The following LRCH1 variants were observed in gnomAD, a reference collection of about 807,000 sequenced individuals.
LRCH1 encodes the protein leucine rich repeats and calponin homology domain containing 1, also known as leucine-rich repeat and calponin homology domain-containing protein 1.
In LRCH1, 23 loss-of-function variants were observed where a neutral mutation model predicts 94.9. The observed-to-expected ratio is 0.24, with a 90% CI of 0.17 to 0.34. LRCH1 has a LOEUF of 0.34. Ranked by LOEUF, LRCH1 falls within the 10% of genes least tolerant of loss-of-function variation. The pLI, the probability that LRCH1 is intolerant of heterozygous loss-of-function variation, is 1.00. For synonymous variants in LRCH1, 364 were observed against 354.9 expected, an observed-to-expected ratio of 1.03 and a Z score of -0.29; for missense variants, 790 against 945.9, an observed-to-expected ratio of 0.84 and a Z score of 2.16.
At chr13:46,594,470 T>G (rs1412288299) in intron 1 of LRCH1, among the ~76,000 whole-genome samples, 1 of 152,162 alleles carries the variant, frequency 6.6e-6, no homozygotes, top group Non-Finnish European at 1.5e-5. Flanking sequence ...AAATGATTTT[T>G]CTTTGTCTCC....
At chr13:46,673,230 C>T (rs1348039523) in intron 3 of LRCH1, among the ~76,000 whole-genome samples, 1 of 152,106 alleles carries the variant, frequency 6.6e-6, no homozygotes, top group Non-Finnish European at 1.5e-5. Flanking sequence ...AGTGGCCACC[C>T]TCCTGGATTC....
intron 12 of LRCH1, 51 bp from the exon 13 acceptor site, chr13:46,705,217 A>T: frequency 6.3e-7 from 1 of 1,588,802 alleles, no homozygotes; most frequent in Non-Finnish European, 8.6e-7. Flanking sequence ...TGACATTTCT[A>T]TGCTTTAAAT....
Position 46,742,677 on chromosome 13 carries a change from G to A in LRCH1, c.*829G>A. The A allele has an allele frequency of 1.0e-6, 1 of 985,460 alleles. No individual in the cohort carries two copies. Among genetic ancestry groups the A allele is most frequent in the Non-Finnish European group, 1.2e-6 (1 of 829,936 alleles). 61.0% of individuals were successfully genotyped at this position (985,460 alleles called of 1,614,324 possible). On this transcript the variant is annotated 3_prime_UTR_variant, in exon 20 of 20. Coordinates refer to ENST00000389797, the MANE Select transcript of LRCH1 (RefSeq NM_001164211.2). ...AGAGAGATTTCTATTTTTGAACAAT[G>A]GAACGGATCACTGCTTTTTTGCCAC...
At chr13:46,701,462 G>T (rs1425895128) in intron 11 of LRCH1, among the ~76,000 whole-genome samples, 1 of 151,976 alleles carries the variant, frequency 6.6e-6, no homozygotes, top group African/African-American at 2.4e-5. Context: ...AGTTCATATG[G>T]GAGTTTTTGG....
At chr13:46,748,094 T>A (rs537578037), downstream of LRCH1, among the ~76,000 whole-genome samples, 3 of 152,208 alleles carry the variant, frequency 2.0e-5, no homozygotes, top group Non-Finnish European at 4.4e-5. Flanking sequence ...ACTTATCTTC[T>A]TATTAATCGG....
chr13:46,685,539 G>T (rs1440622773), intron 4 of LRCH1, among the ~76,000 whole-genome samples: 1 of 152,088 alleles, frequency 6.6e-6, no homozygotes, highest in Non-Finnish European at 1.5e-5. Flanking sequence ...ATGGGCTAGC[G>T]AGTGCTACTG....
chr13:46,731,084 A>G, intron 18 of LRCH1, among the ~76,000 whole-genome samples: 1 of 149,762 alleles, frequency 6.7e-6, no homozygotes, highest in East Asian at 2.0e-4. Context: ...CCCAAAACCA[A>G]TCACTGTTGC....
intron 1 of LRCH1, among the ~76,000 whole-genome samples, chr13:46,555,933 TAA>T (rs1445631781): frequency 6.6e-6 from 1 of 152,198 alleles, no homozygotes; most frequent in Non-Finnish European, 1.5e-5. Flanking sequence ...GAAAGCAAAA[TAA>T]AGAGTTAAAG....
At chr13:46,610,981 CTG>C (rs1308963929) in intron 1 of LRCH1, among the ~76,000 whole-genome samples, 1 of 152,078 alleles carries the variant, frequency 6.6e-6, no homozygotes, top group Non-Finnish European at 1.5e-5. Context: ...CAACAGGTAA[CTG>C]TGACTCTAAA....
intron 1 of LRCH1, among the ~76,000 whole-genome samples, chr13:46,584,843 C>T (rs183962882): frequency 3.2e-4 from 48 of 152,092 alleles, no homozygotes; most frequent in African/African-American, 1.1e-3. Context: ...ACAGTTGCTA[C>T]GAAAAAAAGT....
intron 16 of LRCH1, 48 bp from the exon 17 acceptor site, chr13:46,723,173 A>G (rs1593377100): frequency 2.0e-6 from 2 of 998,902 alleles, no homozygotes; most frequent in South Asian, 1.4e-5. Context: ...GAATAGCCCT[A>G]TGTGACAAGG....
chr13:46,563,385 G>A (rs1014057877), intron 1 of LRCH1, among the ~76,000 whole-genome samples: 1 of 151,980 alleles, frequency 6.6e-6, no homozygotes, highest in Non-Finnish European at 1.5e-5. Context: ...ATTAAAAATA[G>A]GGTTTCCTGA....
intron 19 of LRCH1, among the ~76,000 whole-genome samples, chr13:46,735,784 T>C (rs1873340450): frequency 8.9e-6 from 1 of 111,832 alleles, no homozygotes; most frequent in Admixed American, 1.4e-4. Flanking sequence ...CTTTTTTTCT[T>C]TTTCTTTTCT....
At chr13:46,750,455 C>A in intron 18 of LRCH1, 1 of 969,148 alleles carries the variant, frequency 1.0e-6, no homozygotes, top group Non-Finnish European at 1.6e-6. Flanking sequence ...TTCAACCTAA[C>A]TTTGATGTCA....
At chr13:46,702,885 C>T (rs975982532) in intron 11 of LRCH1, among the ~76,000 whole-genome samples, 2 of 152,144 alleles carry the variant, frequency 1.3e-5, no homozygotes, top group African/African-American at 4.8e-5. Context: ...TGATGTGCAG[C>T]CAGGACTGCG....
chr13:46,553,802 G>C (rs2050030848), intron 1 of LRCH1, 99 bp downstream of exon 1: 1 of 1,540,090 alleles, frequency 6.5e-7, no homozygotes, highest in African/African-American at 1.4e-5. Context: ...TTGTCTTGCT[G>C]GGGGAGGGAG....
exon 19 of LRCH1, chr13:46,750,711 T>C: frequency 8.6e-7 from 1 of 1,167,802 alleles, no homozygotes; most frequent in East Asian, 2.6e-5. Context: ...TGAACTCTGC[T>C]CCAGGCACCT....
At chr13:46,684,717 T>A (rs2138147542) in intron 4 of LRCH1, among the ~76,000 whole-genome samples, 1 of 152,288 alleles carries the variant, frequency 6.6e-6, no homozygotes, top group African/African-American at 2.4e-5. Context: ...TCCAGGGTCC[T>A]CCAGGATTAG....
intron 9 of LRCH1, among the ~76,000 whole-genome samples, chr13:46,695,848 G>A (rs934862433): frequency 2.0e-5 from 3 of 152,128 alleles, no homozygotes; most frequent in African/African-American, 7.2e-5. Flanking sequence ...TCAAGGAAAT[G>A]GAGAGGAAAA....
Sources: gnomAD v4.1 joint callset for allele counts (sites outside exome capture counted in the v4.1 genomes callset) on GRCh38, gnomAD v4.1.1 for gene constraint, MANE v1.5 for transcripts, NCBI Gene and HGNC (gene_info 2026-07-23, HGNC 2026-07-21) for gene names.